The following TMTC2 variants were observed in gnomAD, a reference collection of about 807,000 sequenced individuals.
The protein encoded by TMTC2 is transmembrane O-mannosyltransferase targeting cadherins 2, also known as protein O-mannosyl-transferase TMTC2.
In TMTC2, 43 loss-of-function variants were observed where a neutral mutation model predicts 82.4. That is an observed-to-expected ratio of 0.52 (90% CI 0.41 to 0.67). The LOEUF is 0.67. TMTC2 is among the 30% of genes least tolerant of loss of function. The pLI, the probability that TMTC2 is intolerant of heterozygous loss-of-function variation, is 0.00. For missense variants in TMTC2, 919 were observed against 1,012.4 expected, an observed-to-expected ratio of 0.91 and a Z score of 1.25; for synonymous variants, 408 against 381.9, an observed-to-expected ratio of 1.07 and a Z score of -0.80.
chr12:83,068,711 T>G (rs112337015), intron 11 of TMTC2, among the ~76,000 whole-genome samples: 50 of 152,284 alleles, frequency 3.3e-4, no homozygotes, highest in African/African-American at 1.1e-3. Context: ...GTTTATTTTT[T>G]TATTTATTAT....
At chr12:83,107,247 A>G (rs1468067432) in intron 11 of TMTC2, among the ~76,000 whole-genome samples, 3 of 152,256 alleles carry the variant, frequency 2.0e-5, no homozygotes, top group African/African-American at 7.2e-5. Flanking sequence ...TCATACAGTA[A>G]CATATGCCTT....
intron 11 of TMTC2, among the ~76,000 whole-genome samples, chr12:83,080,400 TAATG>T (rs1883424700): frequency 6.6e-6 from 1 of 152,098 alleles, no homozygotes; most frequent in African/African-American, 2.4e-5. Flanking sequence ...TGTGTGTGTG[TAATG>T]AATGATTAGC....
At chr12:83,070,788 T>G (rs1883081408) in intron 11 of TMTC2, among the ~76,000 whole-genome samples, 1 of 152,200 alleles carries the variant, frequency 6.6e-6, no homozygotes, top group Non-Finnish European at 1.5e-5. Flanking sequence ...GAGGGAATGC[T>G]TTCAACTTTT....
At chr12:82,780,435 GTT>G (rs34140043) in intron 1 of TMTC2, among the ~76,000 whole-genome samples, 1 of 146,124 alleles carries the variant, frequency 6.8e-6, no homozygotes, top group Non-Finnish European at 1.5e-5. Context: ...ACAGTAAACA[GTT>G]TTTTTTTTTG....
At chr12:82,768,364 A>G (rs1276775226) in intron 1 of TMTC2, among the ~76,000 whole-genome samples, 1 of 152,200 alleles carries the variant, frequency 6.6e-6, no homozygotes, top group Non-Finnish European at 1.5e-5. Context: ...AGCATTTGAC[A>G]GAAAGAAAAG....
At chr12:82,991,840 G>T (rs932909611) in intron 8 of TMTC2, among the ~76,000 whole-genome samples, 1 of 152,128 alleles carries the variant, frequency 6.6e-6, no homozygotes, top group African/African-American at 2.4e-5. Flanking sequence ...AGTTGTGTGG[G>T]TTCTGTAGTT....
intron 2 of TMTC2, among the ~76,000 whole-genome samples, chr12:82,883,720 T>C (rs1278652529): frequency 1.3e-5 from 2 of 152,212 alleles, no homozygotes; most frequent in African/African-American, 2.4e-5. Flanking sequence ...TGGGGCAAGA[T>C]TGATAAAAGA....
intron 4 of TMTC2, among the ~76,000 whole-genome samples, chr12:82,946,083 C>T (rs1467833399): frequency 1.3e-5 from 2 of 152,184 alleles, no homozygotes; most frequent in East Asian, 1.9e-4. Context: ...TTTAAATTAG[C>T]AACCCATCTG....
chr12:82,824,507 G>T (rs1403484995), intron 1 of TMTC2, among the ~76,000 whole-genome samples: 1 of 152,186 alleles, frequency 6.6e-6, no homozygotes, highest in African/African-American at 2.4e-5. Context: ...TGCAATTTAG[G>T]CTGTTCTGAT....
At chr12:82,798,190 C>T (rs1187263789) in intron 1 of TMTC2, among the ~76,000 whole-genome samples, 4 of 150,436 alleles carry the variant, frequency 2.7e-5, no homozygotes, top group Non-Finnish European at 4.4e-5. Context: ...CTCCTGACCT[C>T]GTGATCCACC....
intron 3 of TMTC2, among the ~76,000 whole-genome samples, chr12:82,899,118 A>T (rs1221239406): frequency 1.3e-5 from 2 of 152,150 alleles, no homozygotes; most frequent in African/African-American, 2.4e-5. Context: ...AATACTTAGG[A>T]AGTGCTGCAG....
chr12:82,986,343 G>A, intron 8 of TMTC2: 1 of 274,954 alleles, frequency 3.6e-6, no homozygotes, highest in East Asian at 6.6e-5. Flanking sequence ...TATCATCCCT[G>A]TATCAAAACA....
At chr12:82,845,544 GA>G (rs886179174) in intron 1 of TMTC2, among the ~76,000 whole-genome samples, 2 of 151,884 alleles carry the variant, frequency 1.3e-5, no homozygotes, top group African/African-American at 4.8e-5. Context: ...TGGAAAATTA[GA>G]AACAAGTTAT....
intron 3 of TMTC2, among the ~76,000 whole-genome samples, chr12:82,918,100 G>T (rs769016667): frequency 3.3e-5 from 5 of 151,926 alleles, no homozygotes; most frequent in Admixed American, 2.6e-4. Context: ...GTATTTATTG[G>T]GGTTTTACCC....
intron 3 of TMTC2, 112 bp downstream of exon 3, chr12:82,896,758 G>T: frequency 1.3e-6 from 1 of 743,658 alleles, no homozygotes; most frequent in South Asian, 2.3e-5. Flanking sequence ...CTTTTATGCA[G>T]TACCTGTATC....
At chr12:82,981,933 A>T (rs943344478) in intron 7 of TMTC2, among the ~76,000 whole-genome samples, 1 of 151,080 alleles carries the variant, frequency 6.6e-6, no homozygotes, top group Non-Finnish European at 1.5e-5. Flanking sequence ...AAGACTTTTG[A>T]TAGTATTTGT....
intron 1 of TMTC2, among the ~76,000 whole-genome samples, chr12:82,811,725 T>C (rs1333609058): frequency 6.6e-6 from 1 of 151,702 alleles, no homozygotes; most frequent in Admixed American, 6.6e-5. Context: ...TATTTTTTAA[T>C]ATTAGATCCC....
intron 3 of TMTC2, among the ~76,000 whole-genome samples, chr12:82,906,660 G>T (rs957132154): frequency 9.2e-5 from 14 of 152,296 alleles, no homozygotes; most frequent in Middle Eastern, 3.4e-3. Flanking sequence ...TTGCACTCCA[G>T]CCTGGGGGAC....
At chr12:82,763,417 C>A (rs1025252447) in intron 1 of TMTC2, among the ~76,000 whole-genome samples, 1 of 152,160 alleles carries the variant, frequency 6.6e-6, no homozygotes, top group African/African-American at 2.4e-5. Flanking sequence ...AGAGTGCTAT[C>A]CAGGACTGTC....
Sources: gnomAD v4.1 joint callset for allele counts (sites outside exome capture counted in the v4.1 genomes callset) on GRCh38, gnomAD v4.1.1 for gene constraint, MANE v1.5 for transcripts, NCBI Gene and HGNC (gene_info 2026-07-23, HGNC 2026-07-21) for gene names.